The following ZDHHC14 variants were observed in gnomAD, a reference collection of about 807,000 sequenced individuals.
ZDHHC14 encodes zDHHC palmitoyltransferase 14.
Under a neutral mutation model 47.7 loss-of-function variants are expected in ZDHHC14, and 16 were observed. The observed-to-expected ratio is 0.34, with a 90% CI of 0.23 to 0.51. The LOEUF (loss-of-function observed/expected upper bound fraction) is 0.51. Among genes scored for constraint, ZDHHC14 ranks in the 20% least tolerant of loss-of-function variants. The probability of loss-of-function intolerance (pLI) is 0.97; values close to 1 mark genes in which losing one functional copy is unlikely to be tolerated. For synonymous variants in ZDHHC14, 293 were observed against 278.9 expected (o/e 1.05, Z -0.50); for missense variants, 515 against 662.5 (o/e 0.78, Z 2.44).
chr6:157,470,044 G>A (rs754927425), intron 1 of ZDHHC14, among the ~76,000 whole-genome samples: 9 of 152,302 alleles, frequency 5.9e-5, no homozygotes, highest in Non-Finnish European at 7.3e-5. Flanking sequence ...TTGTTGTGAG[G>A]ATTCCATGAG....
At chr6:157,633,713 C>A (rs535919409) in intron 5 of ZDHHC14, among the ~76,000 whole-genome samples, 1 of 152,218 alleles carries the variant, frequency 6.6e-6, no homozygotes, top group African/African-American at 2.4e-5. Flanking sequence ...CCAAGTCTTA[C>A]CCCATCACCC....
intron 1 of ZDHHC14, among the ~76,000 whole-genome samples, chr6:157,456,523 C>T (rs887074924): frequency 2.6e-5 from 4 of 152,092 alleles, no homozygotes; most frequent in South Asian, 2.1e-4. Flanking sequence ...AGGGACCTGA[C>T]GTGACATTAT....
intron 6 of ZDHHC14, chr6:157,646,184 C>A (rs189690746): frequency 2.1e-4 from 39 of 188,766 alleles, no homozygotes; most frequent in African/African-American, 8.9e-4. Context: ...GGCGGGCCAA[C>A]ATCTTGGAGT....
chr6:157,665,774 G>A (rs1438866205), intron 8 of ZDHHC14, among the ~76,000 whole-genome samples: 1 of 152,152 alleles, frequency 6.6e-6, no homozygotes, highest in Non-Finnish European at 1.5e-5. Context: ...TCTCACAAGT[G>A]GGGGATGGGG....
At chr6:157,604,428 A>G (rs1043139592) in intron 3 of ZDHHC14, among the ~76,000 whole-genome samples, 6 of 152,212 alleles carry the variant, frequency 3.9e-5, no homozygotes, top group African/African-American at 1.4e-4. Flanking sequence ...AGGTCCTGGA[A>G]GCAATCCCCC....
intron 1 of ZDHHC14, among the ~76,000 whole-genome samples, chr6:157,501,666 A>C (rs1449138528): frequency 6.6e-6 from 1 of 152,018 alleles, no homozygotes; most frequent in African/African-American, 2.4e-5. Flanking sequence ...CAAGACTAGC[A>C]CTCCTGTTGC....
rs1031931905 is a variant in ZDHHC14, at chr6:157,502,914, C to T, written c.246-39671C>T. ...CCATGTTGCCCAGGCTGGTCTCGAA[C>T]TCCTGTCCTCAAGTGATCAACTTGC... On this transcript the variant is annotated intron_variant, in intron 1 of 8. Transcript: ENST00000359775. This position sits in a 1 kb window ranked among gnomAD's most constrained non-coding sequence, Gnocchi z 4.0. Among the ~76,000 whole-genome samples the T allele has an allele frequency of 6.6e-6, 1 of 152,210 alleles. No homozygotes were observed. The highest frequency in any genetic ancestry group is 1.5e-5 in the Non-Finnish European group (1 of 68,034).
At chr6:157,404,731 T>A (rs1777709901) in intron 1 of ZDHHC14, among the ~76,000 whole-genome samples, 1 of 152,238 alleles carries the variant, frequency 6.6e-6, no homozygotes, top group African/African-American at 2.4e-5. Flanking sequence ...TGTCTTTGGT[T>A]AGATAACTTG....
At chr6:157,645,492 T>C (rs998864417) in intron 5 of ZDHHC14, among the ~76,000 whole-genome samples, 2 of 151,970 alleles carry the variant, frequency 1.3e-5, no homozygotes, top group African/African-American at 4.8e-5. Context: ...CAGGAAACCC[T>C]CCAGGCATCA....
intron 3 of ZDHHC14, among the ~76,000 whole-genome samples, chr6:157,596,429 G>A (rs1784131507): frequency 6.6e-6 from 1 of 152,192 alleles, no homozygotes; most frequent in Admixed American, 6.5e-5. Context: ...ATGTCACTTT[G>A]CATGGGAGAG....
In ZDHHC14 at chr6:157,500,095, A is replaced by T. The variant is rs186682514; in HGVS notation, c.246-42490A>T. Among the ~76,000 whole-genome samples, 1,089 of 152,296 alleles carry T rather than the reference A, an allele frequency of 7.2e-3. 13 individuals carry two copies. The highest frequency in any genetic ancestry group is 0.025 in the African/African-American group (1,041 of 41,542). ...TGACTTGAGGAGATGAGGCTGTGTT[A>T]GATTAGTTAGTCAGGGAAGGCATAT... is the stretch of plus-strand genomic sequence containing the variant. On this transcript the variant is annotated intron_variant, in intron 1 of 8. Transcript: ENST00000359775.
intron 1 of ZDHHC14, among the ~76,000 whole-genome samples, chr6:157,484,385 T>A (rs1408352920): frequency 6.8e-6 from 1 of 146,662 alleles, no homozygotes; most frequent in African/African-American, 2.5e-5. Flanking sequence ...TACACACATA[T>A]ATACGTATAT....
chr6:157,549,454 C>A (rs187251703), intron 2 of ZDHHC14, among the ~76,000 whole-genome samples: 1 of 152,244 alleles, frequency 6.6e-6, no homozygotes, highest in East Asian at 1.9e-4. Flanking sequence ...GTGGGGGAGT[C>A]CCATCGTGCC....
At chr6:157,513,573 G>T (rs757924452) in intron 1 of ZDHHC14, among the ~76,000 whole-genome samples, 1 of 151,972 alleles carries the variant, frequency 6.6e-6, no homozygotes. Flanking sequence ...TTTGCTGTTC[G>T]GTATTTAGGA....
chr6:157,647,360 C>T lies in ZDHHC14; in HGVS notation c.957C>T (p.Ile319=). The change falls in exon 7 of 9, where the codon ATC becomes ATT. Residue 319 remains isoleucine (I), a synonymous_variant. Coordinates refer to ENST00000359775, the MANE Select transcript of ZDHHC14 (RefSeq NM_024630.3). The stretch of plus-strand genomic sequence containing the variant: ...GCTGTGTTGCCCTGTGTGGGCCCAT[C>T]TCACCAAGGTAAGACTCAGGACGCA... ...TNCCVALCGP[I]SPSLIDRRGY... is the part of the protein sequence containing the mutation. 6.2e-7 allele frequency: 1 copy of T among 1,613,104 alleles called. No individual in the cohort carries two copies. Among genetic ancestry groups the T allele is most frequent in the Non-Finnish European group, 8.5e-7 (1 of 1,179,234 alleles).
In ZDHHC14 at chr6:157,675,958, A is replaced by C. The variant is rs1208669783; in HGVS notation, c.*2836A>C. The C allele has an allele frequency of 1.3e-5, 2 of 152,244 alleles. No individual in the cohort carries two copies. Among genetic ancestry groups the C allele is most frequent in the Non-Finnish European group, 2.9e-5 (2 of 68,038 alleles). The allele number at this position is 152,244 out of a possible 1,614,324, so 9.4% of individuals were successfully genotyped here. On this transcript the variant is annotated 3_prime_UTR_variant, in exon 9 of 9. Coordinates refer to ENST00000359775, the MANE Select transcript of ZDHHC14 (RefSeq NM_024630.3). The stretch of plus-strand genomic sequence containing the variant: ...CACTCATTCTGCTGTTTAAAAATTC[A>C]TCTGCGTTCGTTCTCCCAGGAGTGC...
chr6:157,430,868 G>T (rs1404459802), intron 1 of ZDHHC14, among the ~76,000 whole-genome samples: 1 of 152,254 alleles, frequency 6.6e-6, no homozygotes, highest in African/African-American at 2.4e-5. Flanking sequence ...GTGTGCATGT[G>T]ATAAATCCAT....
chr6:157,566,248 A>C (rs528031415), intron 2 of ZDHHC14, among the ~76,000 whole-genome samples: 107 of 151,842 alleles, frequency 7.0e-4, no homozygotes, highest in Admixed American at 6.5e-3. Context: ...CTCTCTAAAA[A>C]AACCCGAATT....
chr6:157,673,059 G>A lies in ZDHHC14; in HGVS notation c.1404G>A (p.Leu468=). 1 of 1,568,812 alleles carries A rather than the reference G, an allele frequency of 6.4e-7. No homozygotes were observed. Among genetic ancestry groups the A allele is most frequent in the East Asian group, 2.3e-5 (1 of 43,106 alleles). The change falls in exon 9 of 9, where the codon CTG becomes CTA. Residue 468 remains leucine (L), a synonymous_variant. Coordinates refer to ENST00000359775, the MANE Select transcript of ZDHHC14 (RefSeq NM_024630.3). This position sits in a 1 kb window ranked among gnomAD's most constrained non-coding sequence, Gnocchi z 5.4. Reference sequence around the variant, plus strand: ...GCCGCACCATGCACGTGCTGGGCCTGGCCAGCCAGGACTCCCTGCATGAGG... The same window carrying A: ...GCCGCACCATGCACGTGCTGGGCCTAGCCAGCCAGGACTCCCTGCATGAGG... ...AHSRTMHVLG[L]ASQDSLHEDS...
Sources: allele counts gnomAD v4.1 joint callset (sites outside exome capture counted in the v4.1 genomes callset), GRCh38; gene constraint gnomAD v4.1.1; non-coding constraint Gnocchi (gnomAD v3.1); transcripts MANE v1.5; gene names NCBI Gene and HGNC (gene_info 2026-07-23, HGNC 2026-07-21).